The following SVOP variants were observed in gnomAD, a reference collection of about 807,000 sequenced individuals.
SVOP encodes the protein SV2 related protein, also known as synaptic vesicle 2-related protein.
Under a neutral mutation model 69.1 loss-of-function variants are expected in SVOP, and 17 were observed. The observed-to-expected ratio is 0.25, with a 90% confidence interval of 0.17 to 0.37. The LOEUF (loss-of-function observed/expected upper bound fraction) is 0.37. Among genes scored for constraint, SVOP ranks in the 10% least tolerant of loss-of-function variants. The pLI, the probability that SVOP is intolerant of heterozygous loss-of-function variation, is 1.00. For missense variants in SVOP, 435 were observed against 597.5 expected, an observed-to-expected ratio of 0.73 and a Z score of 2.84; for synonymous variants, 238 against 238.6, an observed-to-expected ratio of 1.00 and a Z score of 0.02.
intron 15 of SVOP, among the ~76,000 whole-genome samples, chr12:108,914,713 C>T (rs1292218815): frequency 2.6e-5 from 4 of 151,926 alleles, no homozygotes; most frequent in Non-Finnish European, 4.4e-5. Context: ...CCTGCCACCA[C>T]ACCTAGTTAA....
chr12:108,977,542 G>T, intron 3 of SVOP, 46 bp from the exon 4 acceptor site: 7 of 1,324,002 alleles, frequency 5.3e-6, no homozygotes, highest in Non-Finnish European at 7.3e-6. Flanking sequence ...GCTGCTTGGT[G>T]CTGGGGAAGG....
intron 5 of SVOP, 119 bp downstream of exon 5, chr12:108,972,286 C>T: frequency 2.1e-6 from 2 of 950,576 alleles, no homozygotes; most frequent in Non-Finnish European, 3.2e-6. Flanking sequence ...TCTCACTGTA[C>T]TTCAACATCA....
intron 1 of SVOP, among the ~76,000 whole-genome samples, chr12:109,007,504 A>G (rs774934059): frequency 6.6e-6 from 1 of 152,174 alleles, no homozygotes; most frequent in Non-Finnish European, 1.5e-5. Context: ...GCAGATCTCA[A>G]CTCAATATAA....
intron 11 of SVOP, among the ~76,000 whole-genome samples, chr12:108,927,415 CT>C (rs1253934311): frequency 6.6e-6 from 1 of 152,036 alleles, no homozygotes; most frequent in Non-Finnish European, 1.5e-5. Context: ...ATGATTTTAC[CT>C]TTTGTTTAAA....
At chr12:109,017,386 G>T (rs2040372939) in intron 1 of SVOP, among the ~76,000 whole-genome samples, 1 of 151,148 alleles carries the variant, frequency 6.6e-6, no homozygotes, top group South Asian at 2.1e-4. Flanking sequence ...TGGAAAAATT[G>T]TCTTCCAAGA....
rs771433277 is a variant in SVOP at position 108,949,626 on chromosome 12, T to G, written c.579-4460A>C. Among the ~76,000 whole-genome samples the G allele has an allele frequency of 1.4e-4, 22 of 152,074 alleles. 1 individual carries two copies. The highest frequency in any genetic ancestry group is 2.9e-4 in the Non-Finnish European group (20 of 68,000). The stretch of plus-strand genomic sequence containing the variant: ...AATAAATACATAAATTTAACTAACA[T>G]GCTATTTCTTTCTTTTTCCCTTCTC... On this transcript the variant is annotated intron_variant, in intron 6 of 15. Transcript: ENST00000610966.
intron 1 of SVOP, among the ~76,000 whole-genome samples, chr12:109,000,971 G>C (rs1422549350): frequency 6.6e-6 from 1 of 151,492 alleles, no homozygotes; most frequent in Non-Finnish European, 1.5e-5. Context: ...GGGCAATTAG[G>C]CTGGAGAAGG....
At chr12:108,929,995 T>C (rs2039806088) in intron 11 of SVOP, among the ~76,000 whole-genome samples, 1 of 152,112 alleles carries the variant, frequency 6.6e-6, no homozygotes, top group Non-Finnish European at 1.5e-5. Context: ...CACCCAGGTA[T>C]AAGAGAGAGC....
intron 1 of SVOP, among the ~76,000 whole-genome samples, chr12:109,000,131 C>A (rs1283542139): frequency 3.3e-5 from 5 of 152,172 alleles, no homozygotes; most frequent in African/African-American, 4.8e-5. Flanking sequence ...AAGGGGATAT[C>A]AGCACCGATC....
chr12:108,963,669 T>C (rs1251888519), intron 5 of SVOP, among the ~76,000 whole-genome samples: 1 of 152,028 alleles, frequency 6.6e-6, no homozygotes, highest in African/African-American at 2.4e-5. Context: ...GTACTTTTGG[T>C]AGAGTAAGTG....
intron 1 of SVOP, among the ~76,000 whole-genome samples, chr12:109,002,994 T>C (rs1209557667): frequency 1.2e-5 from 1 of 85,826 alleles, no homozygotes. Context: ...AATAAATAAA[T>C]AAATAAATAA....
intron 11 of SVOP, among the ~76,000 whole-genome samples, chr12:108,932,674 C>T (rs2039828840): frequency 6.6e-6 from 1 of 151,978 alleles, no homozygotes; most frequent in South Asian, 2.1e-4. Context: ...GAAGGAGGTT[C>T]AGACATACCT....
chr12:108,987,485 G>T (rs1275026341), intron 1 of SVOP, among the ~76,000 whole-genome samples: 1 of 152,194 alleles, frequency 6.6e-6, no homozygotes, highest in Non-Finnish European at 1.5e-5. Context: ...GGATGAAAGG[G>T]TTATTCTATG....
At chr12:109,016,390 G>A (rs2040367791) in intron 1 of SVOP, among the ~76,000 whole-genome samples, 1 of 152,162 alleles carries the variant, frequency 6.6e-6, no homozygotes, top group Non-Finnish European at 1.5e-5. Flanking sequence ...TTGAAAGACA[G>A]GGTTTGTAAG....
At chr12:108,923,618 G>C (rs1761561005) in intron 11 of SVOP, among the ~76,000 whole-genome samples, 2 of 151,902 alleles carry the variant, frequency 1.3e-5, no homozygotes, top group South Asian at 4.2e-4. Context: ...GAGATGATAA[G>C]TGTGTGCTGT....
At chr12:108,966,808 T>C (rs144607350) in intron 5 of SVOP, among the ~76,000 whole-genome samples, 215 of 152,252 alleles carry the variant, frequency 1.4e-3, no homozygotes, top group African/African-American at 5.0e-3. Context: ...ACTAATCAAC[T>C]AAATTCTGAG....
rs370714488 is a variant in SVOP, at chr12:108,919,713, G to C, written c.1230C>G (p.Phe410Leu). 1.1e-4 allele frequency: 180 copies of C among 1,608,008 alleles called. 1 individual carries two copies. The highest frequency in any genetic ancestry group is 1.5e-4 in the Non-Finnish European group (177 of 1,177,206). ...TAAACAGCAGGAGGCTGCAGAAGGA[G>C]AAGATGACAAAGCACAGGGCCATGG... ...KKTMALCFVI[F>L]SFCSLLLFIC... Residue 410 changes from phenylalanine (F) to leucine (L), a missense_variant, in exon 13 of 16, where the codon TTC becomes TTG. Transcript: ENST00000610966.
chr12:108,961,088 C>A, intron 5 of SVOP, 41 bp from the exon 6 acceptor site: 1 of 1,522,252 alleles, frequency 6.6e-7, no homozygotes, highest in Non-Finnish European at 8.8e-7. Context: ...GGCTTTTCAG[C>A]ACCTCCAGGT....
intron 5 of SVOP, among the ~76,000 whole-genome samples, chr12:108,971,360 C>T (rs1234574471): frequency 6.6e-6 from 1 of 151,036 alleles, no homozygotes; most frequent in Non-Finnish European, 1.5e-5. Context: ...ACCCAGGAGG[C>T]CGAGGTTGCA....
Sources: gnomAD v4.1 joint callset for allele counts (sites outside exome capture counted in the v4.1 genomes callset) on GRCh38, gnomAD v4.1.1 for gene constraint, MANE v1.5 for transcripts, NCBI Gene and HGNC (gene_info 2026-07-23, HGNC 2026-07-21) for gene names.